The following DLG2 variants were observed in gnomAD, a reference collection of about 807,000 sequenced individuals.
The protein encoded by DLG2 is discs large MAGUK scaffold protein 2, also known as disks large homolog 2.
A neutral mutation model predicts 132.5 loss-of-function variants in DLG2; 45 were observed. That is an observed-to-expected ratio of 0.34 (90% CI 0.27 to 0.44). The LOEUF (loss-of-function observed/expected upper bound fraction) is 0.44. DLG2 is among the 20% of genes least tolerant of loss of function. The probability of loss-of-function intolerance (pLI) is 1.00; values close to 1 mark genes in which losing one functional copy is unlikely to be tolerated. For synonymous variants in DLG2, 424 were observed against 419.6 expected (o/e 1.01, Z -0.13); for missense variants, 1,045 against 1,196.9 (o/e 0.87, Z 1.87).
At chr11:85,305,312 G>A (rs1053046978) in intron 3 of DLG2, among the ~76,000 whole-genome samples, 3 of 152,116 alleles carry the variant, frequency 2.0e-5, no homozygotes, top group Non-Finnish European at 4.4e-5. Flanking sequence ...CTTTAGATTG[G>A]TATAAAGCAG....
intron 8 of DLG2, among the ~76,000 whole-genome samples, chr11:84,223,360 A>G (rs980885863): frequency 2.0e-5 from 3 of 152,136 alleles, no homozygotes; most frequent in Non-Finnish European, 4.4e-5. Context: ...TCTAAAAAAA[A>G]TTAACTGCTG....
chr11:84,429,456 A>G (rs138227504), intron 7 of DLG2, among the ~76,000 whole-genome samples: 50 of 152,294 alleles, frequency 3.3e-4, no homozygotes, highest in African/African-American at 1.2e-3. Flanking sequence ...CTTAATTCCT[A>G]TACTTAATAC....
At chr11:83,790,606 T>C in intron 17 of DLG2, 2 of 1,316,398 alleles carry the variant, frequency 1.5e-6, no homozygotes, top group Admixed American at 3.4e-5. Flanking sequence ...CCACTGAAGT[T>C]CCTTTGGATT....
chr11:84,522,655 T>G (rs966136730), intron 7 of DLG2, among the ~76,000 whole-genome samples: 5 of 152,222 alleles, frequency 3.3e-5, no homozygotes, highest in Admixed American at 6.5e-5. Flanking sequence ...AGAAAATCAA[T>G]TCAACCTTCT....
intron 11 of DLG2, among the ~76,000 whole-genome samples, chr11:84,015,657 TA>T (rs2095140808): frequency 6.6e-6 from 1 of 152,148 alleles, no homozygotes; most frequent in African/African-American, 2.4e-5. Context: ...GTTCTTGTGT[TA>T]GTTTGCTGAA....
intron 6 of DLG2, among the ~76,000 whole-genome samples, chr11:84,854,038 G>C (rs575827447): frequency 5.9e-5 from 9 of 152,106 alleles, no homozygotes; most frequent in African/African-American, 1.7e-4. Context: ...CATTGACCTA[G>C]TTTGCTACAG....
intron 7 of DLG2, among the ~76,000 whole-genome samples, chr11:84,332,022 C>A (rs984325339): frequency 6.6e-6 from 1 of 152,038 alleles, no homozygotes; most frequent in African/African-American, 2.4e-5. Flanking sequence ...GCAGAAAGGT[C>A]ATTTATTTCA....
chr11:85,449,946 G>A (rs1004785685), intron 3 of DLG2, among the ~76,000 whole-genome samples: 1 of 152,036 alleles, frequency 6.6e-6, no homozygotes, highest in Non-Finnish European at 1.5e-5. Context: ...TGACCAACAT[G>A]GAGAAATCCT....
intron 6 of DLG2, among the ~76,000 whole-genome samples, chr11:84,566,827 A>G (rs1024301784): frequency 4.6e-5 from 7 of 152,186 alleles, no homozygotes; most frequent in African/African-American, 1.4e-4. Context: ...TAAAAACTGT[A>G]CTATAAAAAA....
chr11:85,260,265 A>G (rs2076874227), intron 4 of DLG2, among the ~76,000 whole-genome samples: 6 of 152,220 alleles, frequency 3.9e-5, no homozygotes, highest in Admixed American at 3.9e-4. Context: ...CTATTACCTT[A>G]CATTCTATAA....
chr11:83,791,779 C>T (rs1313617737), intron 17 of DLG2, among the ~76,000 whole-genome samples: 2 of 152,260 alleles, frequency 1.3e-5, no homozygotes, highest in East Asian at 1.9e-4. Context: ...CGAAGGTGGC[C>T]GGGCTACGCT....
chr11:83,879,262 A>G (rs1169676210), intron 15 of DLG2, among the ~76,000 whole-genome samples: 1 of 152,190 alleles, frequency 6.6e-6, no homozygotes, highest in Non-Finnish European at 1.5e-5. Flanking sequence ...TGTTATTCTA[A>G]TGGACAGCAC....
At chr11:83,986,991 T>A (rs1455658294) in intron 11 of DLG2, among the ~76,000 whole-genome samples, 1 of 152,138 alleles carries the variant, frequency 6.6e-6, no homozygotes, top group African/African-American at 2.4e-5. Flanking sequence ...TTGCGAAAAT[T>A]TTCTCCCATT....
At chr11:84,591,089 C>G (rs2099541547) in intron 6 of DLG2, among the ~76,000 whole-genome samples, 2 of 152,066 alleles carry the variant, frequency 1.3e-5, no homozygotes, top group Non-Finnish European at 2.9e-5. Context: ...CCTCTGCTCC[C>G]TCCTATTAGT....
chr11:85,442,733 A>T (rs2091844168), intron 3 of DLG2, among the ~76,000 whole-genome samples: 2 of 151,956 alleles, frequency 1.3e-5, no homozygotes, highest in South Asian at 4.2e-4. Flanking sequence ...ATTAAAAAAA[A>T]TAGCCAGACA....
chr11:84,640,915 G>A (rs80095156), intron 6 of DLG2, among the ~76,000 whole-genome samples: 16,332 of 150,806 alleles, frequency 0.11, 902 homozygotes, highest in South Asian at 0.17. Context: ...ACTCCAGCCT[G>A]GGTGACAGAG....
intron 7 of DLG2, among the ~76,000 whole-genome samples, chr11:84,296,026 C>A (rs948107847): frequency 2.0e-5 from 3 of 152,174 alleles, no homozygotes; most frequent in African/African-American, 7.2e-5. Context: ...CAGATAATGA[C>A]AAAATGTGGT....
intron 18 of DLG2, among the ~76,000 whole-genome samples, chr11:83,699,402 AAAT>A (rs1461769722): frequency 6.6e-6 from 1 of 152,162 alleles, no homozygotes; most frequent in Non-Finnish European, 1.5e-5. Flanking sequence ...ATTAAGTAAA[AAAT>A]AATAATAATG....
intron 22 of DLG2, chr11:83,480,522 T>C: frequency 6.6e-7 from 1 of 1,509,226 alleles, no homozygotes; most frequent in Non-Finnish European, 8.9e-7. Context: ...GAAAGGCAAG[T>C]AAAAGCCGCA....
Sources: gnomAD v4.1 joint callset for allele counts (sites outside exome capture counted in the v4.1 genomes callset) on GRCh38, gnomAD v4.1.1 for gene constraint, MANE v1.5 for transcripts, NCBI Gene and HGNC (gene_info 2026-07-23, HGNC 2026-07-21) for gene names.